The following NBEA variants were observed in gnomAD, a reference collection of about 807,000 sequenced individuals.
NBEA encodes the protein lysosomal-trafficking regulator 2.
A neutral mutation model predicts 343.4 loss-of-function variants in NBEA; 44 were observed. That is an observed-to-expected ratio of 0.13 (90% CI 0.10 to 0.16). NBEA has a LOEUF of 0.16. Ranked by LOEUF, NBEA falls within the 10% of genes least tolerant of loss-of-function variation. NBEA has a pLI of 1.00. For synonymous variants in NBEA, 1,175 were observed against 1,238.7 expected, an observed-to-expected ratio of 0.95 and a Z score of 1.08; for missense variants, 2,555 against 3,631.3, an observed-to-expected ratio of 0.70 and a Z score of 7.62.
At chr13:35,559,685 G>T (rs943412550) in intron 44 of NBEA, among the ~76,000 whole-genome samples, 1 of 152,096 alleles carries the variant, frequency 6.6e-6, no homozygotes, top group African/African-American at 2.4e-5. Context: ...GGAGGCCGAG[G>T]CAGGTGGATC....
chr13:35,313,751 G>A (rs2037525563), intron 36 of NBEA, among the ~76,000 whole-genome samples: 1 of 152,172 alleles, frequency 6.6e-6, no homozygotes, highest in Non-Finnish European at 1.5e-5. Flanking sequence ...GCAGGCAACT[G>A]AGAGAGGTAT....
chr13:35,067,271 A>G (rs927478864), intron 8 of NBEA, among the ~76,000 whole-genome samples: 1 of 152,090 alleles, frequency 6.6e-6, no homozygotes, highest in Non-Finnish European at 1.5e-5. Context: ...TTCAGTTACC[A>G]CTTGGAGTCG....
chr13:35,559,911 A>G (rs1375628706), intron 44 of NBEA, among the ~76,000 whole-genome samples: 2 of 145,368 alleles, frequency 1.4e-5, no homozygotes, highest in East Asian at 4.0e-4. Flanking sequence ...AGCCTGGGCG[A>G]CAGAGCGAGA....
intron 1 of NBEA, among the ~76,000 whole-genome samples, chr13:34,974,297 T>G (rs755355527): frequency 4.6e-5 from 7 of 152,222 alleles, no homozygotes; most frequent in Non-Finnish European, 8.8e-5. Context: ...CATTGCTGCT[T>G]CTTGTTGGCC....
rs1184088723 is a variant in NBEA, at chr13:35,173,334, A to G, written c.4424-130A>G. The stretch of plus-strand genomic sequence containing the variant: ...TCATAATTTTGAAAATTATTGATCT[A>G]GTTGATTTTAAGATTAATAGTTTAT... On this transcript the variant is annotated intron_variant, in intron 26 of 58. Coordinates refer to ENST00000379939, the MANE Select transcript of NBEA (RefSeq NM_001385012.1). 4.1e-6 allele frequency: 3 copies of G among 724,856 alleles called. No individual in the cohort carries two copies. In the East Asian group the frequency reaches 9.6e-5, roughly 23 times the overall value. 44.9% of individuals were successfully genotyped at this position (724,856 alleles called of 1,614,324 possible). A position where few individuals can be genotyped will look rare whatever the true frequency, so the allele number is the denominator to read the frequency against.
At position 35,159,942 on chromosome 13, in the gene NBEA, A is replaced by G. The variant is rs372531594; in HGVS notation, c.3771A>G (p.Ala1257=). Residue 1257 remains alanine (A), a synonymous_variant, in exon 22 of 59, where the codon GCA becomes GCG. Transcript: ENST00000379939. ...SSSKIVPNID[A]GSIISDTERS... ...GCAAAATTGTACCAAATATTGATGC[A>G]GGAAGTATAATTTCAGATACTGAAA... 2.2e-5 allele frequency: 35 copies of G among 1,593,732 alleles called. No individual in the cohort carries two copies. Among genetic ancestry groups the G allele is most frequent in the Middle Eastern group, 3.3e-4 (2 of 6,054 alleles).
At chr13:35,635,495 AAC>A (rs1324980747) in intron 49 of NBEA, among the ~76,000 whole-genome samples, 2 of 152,214 alleles carry the variant, frequency 1.3e-5, no homozygotes, top group Admixed American at 1.3e-4. Flanking sequence ...TGAAAATTTT[AAC>A]AGATTCAAAA....
At chr13:35,386,057 C>T (rs971891003) in intron 38 of NBEA, among the ~76,000 whole-genome samples, 2 of 151,676 alleles carry the variant, frequency 1.3e-5, no homozygotes, top group Non-Finnish European at 2.9e-5. Flanking sequence ...AATAGAAAAC[C>T]TACAATGTTT....
At chr13:35,238,186 T>G (rs1233185042) in intron 34 of NBEA, among the ~76,000 whole-genome samples, 1 of 152,222 alleles carries the variant, frequency 6.6e-6, no homozygotes, top group Non-Finnish European at 1.5e-5. Context: ...ATCCAGTTTA[T>G]GTTCTGTGAG....
chr13:35,140,679 T>C (rs564254023), intron 17 of NBEA, among the ~76,000 whole-genome samples: 77 of 152,298 alleles, frequency 5.1e-4, no homozygotes, highest in Non-Finnish European at 9.6e-4. Flanking sequence ...TCTTTTGTTA[T>C]GGAGTGTGGC....
Position 35,448,740 on chromosome 13 carries a change from C to T in NBEA, c.6305-3352C>T, listed in dbSNP as rs138546063. Among the ~76,000 whole-genome samples, 1,082 of 152,208 alleles carry T rather than the reference C, an allele frequency of 7.1e-3. 17 individuals carry two copies. Among genetic ancestry groups the T allele is most frequent in the African/African-American group, 0.025 (1,029 of 41,536 alleles). On this transcript the variant is annotated intron_variant, in intron 39 of 58. Transcript: ENST00000379939. The stretch of plus-strand genomic sequence containing the variant: ...ATAAGGGAAAGAGTACACAAGTGCT[C>T]TTAAGAAATCAGAGAAGGGAATGGG...
intron 1 of NBEA, among the ~76,000 whole-genome samples, chr13:34,995,602 A>G (rs1417718460): frequency 6.6e-6 from 1 of 152,142 alleles, no homozygotes. Flanking sequence ...ATGGACAGAA[A>G]ACAGAGTGGG....
At chr13:35,572,433 A>G (rs2080480096) in intron 45 of NBEA, among the ~76,000 whole-genome samples, 1 of 152,228 alleles carries the variant, frequency 6.6e-6, no homozygotes, top group African/African-American at 2.4e-5. Flanking sequence ...ACACACACCC[A>G]TTCATCGAGT....
At chr13:35,440,943 G>A (rs974715060) in intron 39 of NBEA, among the ~76,000 whole-genome samples, 5 of 152,110 alleles carry the variant, frequency 3.3e-5, no homozygotes, top group Admixed American at 2.0e-4. Context: ...AGATACATCA[G>A]AACAGATGAA....
At chr13:35,161,471 G>C (rs188492506) in intron 22 of NBEA, among the ~76,000 whole-genome samples, 2 of 152,158 alleles carry the variant, frequency 1.3e-5, no homozygotes, top group South Asian at 4.2e-4. Flanking sequence ...TGGGGTAAAG[G>C]GGTCTGGTTT....
At chr13:35,409,883 T>G (rs771605433) in intron 38 of NBEA, among the ~76,000 whole-genome samples, 4 of 152,148 alleles carry the variant, frequency 2.6e-5, no homozygotes, top group Admixed American at 6.6e-5. Flanking sequence ...TCTTTTTTCA[T>G]GTCTTTATTT....
At chr13:35,280,614 A>G (rs573149064) in intron 34 of NBEA, among the ~76,000 whole-genome samples, 28 of 152,172 alleles carry the variant, frequency 1.8e-4, no homozygotes, top group Non-Finnish European at 3.7e-4. Context: ...TGATCAATGT[A>G]ACTACCTGTA....
At chr13:35,281,023 A>C (rs1322373561) in intron 34 of NBEA, among the ~76,000 whole-genome samples, 1 of 152,058 alleles carries the variant, frequency 6.6e-6, no homozygotes, top group Admixed American at 6.6e-5. Context: ...CTGGTATGTA[A>C]TATAGAACTT....
At chr13:35,141,582 G>A (rs1044686797) in intron 17 of NBEA, among the ~76,000 whole-genome samples, 1 of 152,106 alleles carries the variant, frequency 6.6e-6, no homozygotes, top group African/African-American at 2.4e-5. Context: ...TGAATTCTAA[G>A]GAAGTGACAC....
Sources: allele counts gnomAD v4.1 joint callset (sites outside exome capture counted in the v4.1 genomes callset), GRCh38; gene constraint gnomAD v4.1.1; transcripts MANE v1.5; gene names NCBI Gene and HGNC (gene_info 2026-07-23, HGNC 2026-07-21).